Variants in DNAJC3 observed in about 807,000 individuals in gnomAD.
The protein encoded by DNAJC3 is dnaJ homolog subfamily C member 3.
In DNAJC3, 38 loss-of-function variants were observed where a neutral mutation model predicts 68.6. The observed-to-expected ratio is 0.55, with a 90% CI of 0.43 to 0.73. DNAJC3 has a LOEUF of 0.73. Ranked by LOEUF, DNAJC3 falls within the 30% of genes least tolerant of loss-of-function variation. The pLI is 0.00. For missense variants in DNAJC3, 526 were observed against 591.9 expected (o/e 0.89, Z 1.16); for synonymous variants, 203 against 204.0 (o/e 1.00, Z 0.04).
chr13:95,785,794 G>A (rs1333141121), intron 9 of DNAJC3, 145 bp from the exon 10 acceptor site: 9 of 595,782 alleles, frequency 1.5e-5, no homozygotes, highest in Admixed American at 8.1e-5. Flanking sequence ...AGTTACTAAC[G>A]GGGTATCACT....
chr13:95,787,567 GAGA>G (rs1478784581), intron 11 of DNAJC3, among the ~76,000 whole-genome samples: 2 of 152,182 alleles, frequency 1.3e-5, no homozygotes, highest in Admixed American at 6.5e-5. Flanking sequence ...CATGGAGTGG[GAGA>G]AGAACAGCTG....
At chr13:95,686,345 G>A (rs1414656183) in intron 1 of DNAJC3, among the ~76,000 whole-genome samples, 1 of 152,178 alleles carries the variant, frequency 6.6e-6, no homozygotes, top group Non-Finnish European at 1.5e-5. Context: ...TTAGTCCTTT[G>A]TCGGAGGCAT....
At chr13:95,687,308 A>G (rs1880097972) in intron 1 of DNAJC3, among the ~76,000 whole-genome samples, 2 of 152,154 alleles carry the variant, frequency 1.3e-5, no homozygotes, top group African/African-American at 4.8e-5. Context: ...AAAAAATCAT[A>G]TTTGTGAAGA....
chr13:95,740,186 G>A (rs1006373466), intron 4 of DNAJC3, among the ~76,000 whole-genome samples: 6 of 152,178 alleles, frequency 3.9e-5, no homozygotes, highest in African/African-American at 9.6e-5. Flanking sequence ...CTCCAGCTGC[G>A]TGCTGGGAGA....
chr13:95,729,108 TCC>T, intron 4 of DNAJC3, among the ~76,000 whole-genome samples: 1 of 152,248 alleles, frequency 6.6e-6, no homozygotes, highest in South Asian at 2.1e-4. Flanking sequence ...TCCAGTTCCA[TCC>T]ATGTGGCTGC....
At position 95,690,957 on chromosome 13, in the gene DNAJC3, C is replaced by T. The variant is rs1301860962; in HGVS notation, c.82+13620C>T. Among the ~76,000 whole-genome samples the T allele has an allele frequency of 4.6e-3, 578 of 126,208 alleles. 19 individuals carry two copies. The highest frequency in any genetic ancestry group is 0.017 in the African/African-American group (541 of 31,226). The allele number at this position is 126,208 out of a possible 152,430, so 82.8% of individuals were successfully genotyped here. On this transcript the variant is annotated intron_variant, in intron 1 of 11. Transcript: ENST00000602402. ...CTCCCTCCCGGACGGGGCGGCTGGC[C>T]GGGCGGGGGGCTGACACCCCCACCT...
chr13:95,677,554 G>C (rs1879793012), intron 1 of DNAJC3, among the ~76,000 whole-genome samples: 1 of 152,238 alleles, frequency 6.6e-6, no homozygotes, highest in Admixed American at 6.5e-5. Context: ...GGGACAGCGG[G>C]TTTGGACTAA....
chr13:95,686,618 T>C (rs1300778911), intron 1 of DNAJC3, among the ~76,000 whole-genome samples: 1 of 152,234 alleles, frequency 6.6e-6, no homozygotes, highest in African/African-American at 2.4e-5. Flanking sequence ...GCACCATTTA[T>C]TGAATTAGGG....
chr13:95,767,691 G>GTTTTGTTTTTTTTTT (rs1555328430), intron 9 of DNAJC3, among the ~76,000 whole-genome samples: 2 of 135,794 alleles, frequency 1.5e-5, no homozygotes, highest in African/African-American at 5.5e-5. Flanking sequence ...AGTTTTTTGG[G>GTTTTGTTTTTTTTTT]TTTTTTTTTT....
At chr13:95,775,822 G>C (rs897441236) in intron 9 of DNAJC3, among the ~76,000 whole-genome samples, 1 of 152,080 alleles carries the variant, frequency 6.6e-6, no homozygotes, top group South Asian at 2.1e-4. Context: ...CACACTTTTA[G>C]TATGCTTCTC....
chr13:95,740,457 A>G (rs1264605825), intron 4 of DNAJC3, among the ~76,000 whole-genome samples: 1 of 152,106 alleles, frequency 6.6e-6, no homozygotes, highest in Non-Finnish European at 1.5e-5. Context: ...GCTAGCAATC[A>G]GCGAGACTCC....
At chr13:95,753,852 G>C (rs1882565766) in intron 4 of DNAJC3, among the ~76,000 whole-genome samples, 1 of 152,066 alleles carries the variant, frequency 6.6e-6, no homozygotes, top group Non-Finnish European at 1.5e-5. Flanking sequence ...TCTTTTATTG[G>C]TAAAGAAAAT....
At chr13:95,691,668 G>A (rs926666399) in intron 1 of DNAJC3, among the ~76,000 whole-genome samples, 4 of 152,246 alleles carry the variant, frequency 2.6e-5, no homozygotes, top group Admixed American at 1.3e-4. Flanking sequence ...CCGGGCAGAG[G>A]CTGCAATCTC....
chr13:95,743,235 G>A (rs900686491), intron 4 of DNAJC3, among the ~76,000 whole-genome samples: 13 of 152,182 alleles, frequency 8.5e-5, no homozygotes, highest in Non-Finnish European at 7.3e-5. Context: ...GTTTATTTGA[G>A]CAAAGAATGA....
intron 2 of DNAJC3, among the ~76,000 whole-genome samples, chr13:95,714,598 A>G (rs560650330): frequency 6.6e-6 from 1 of 152,344 alleles, no homozygotes; most frequent in South Asian, 2.1e-4. Context: ...AATAGTGGTT[A>G]CTTTGCACAA....
intron 4 of DNAJC3, among the ~76,000 whole-genome samples, chr13:95,731,627 G>T (rs1385624859): frequency 1.3e-5 from 2 of 152,132 alleles, no homozygotes; most frequent in Non-Finnish European, 2.9e-5. Flanking sequence ...AACCATTCTT[G>T]CGTCTCTGGG....
intron 10 of DNAJC3, among the ~76,000 whole-genome samples, 172 bp downstream of exon 10, chr13:95,786,243 C>T (rs543148306): frequency 4.9e-4 from 74 of 152,076 alleles, no homozygotes; most frequent in Non-Finnish European, 8.5e-4. Flanking sequence ...ATTTTATAGG[C>T]AAGTTTCTTT....
chr13:95,756,268 CCTAAGGATGAT>C (rs1566501734), intron 4 of DNAJC3, among the ~76,000 whole-genome samples: 2 of 152,224 alleles, frequency 1.3e-5, no homozygotes, highest in East Asian at 3.9e-4. Flanking sequence ...TCAAGACCAC[CCTAAGGATGAT>C]AAAACAGACA....
intron 9 of DNAJC3, among the ~76,000 whole-genome samples, chr13:95,782,251 C>G (rs750838404): frequency 2.6e-5 from 4 of 152,126 alleles, no homozygotes; most frequent in Non-Finnish European, 5.9e-5. Context: ...GTGAACAGTG[C>G]TGCAATAAAC....
Sources: gnomAD v4.1 joint callset for allele counts (sites outside exome capture counted in the v4.1 genomes callset) on GRCh38, gnomAD v4.1.1 for gene constraint, MANE v1.5 for transcripts, NCBI Gene and HGNC (gene_info 2026-07-23, HGNC 2026-07-21) for gene names.